Variants in MYO5A observed in about 807,000 individuals in gnomAD.
MYO5A encodes myosin VA.
MYO5A carries 98 observed loss-of-function variants against 249.7 expected under a neutral mutation model. The ratio of observed to expected loss-of-function variants is 0.39; its 90% CI spans 0.33 to 0.46. The LOEUF (loss-of-function observed/expected upper bound fraction) is 0.46. Ranked by LOEUF, MYO5A falls within the 20% of genes least tolerant of loss-of-function variation. The probability of loss-of-function intolerance (pLI) is 0.98; values close to 1 mark genes in which losing one functional copy is unlikely to be tolerated. For missense variants in MYO5A, 1,696 were observed against 2,308.8 expected (o/e 0.73, Z 5.44); for synonymous variants, 778 against 810.6 (o/e 0.96, Z 0.68).
At chr15:52,435,899 A>G (rs1388599237) in intron 1 of MYO5A, among the ~76,000 whole-genome samples, 3 of 152,222 alleles carry the variant, frequency 2.0e-5, no homozygotes, top group Non-Finnish European at 4.4e-5. Flanking sequence ...CAGTAGGACA[A>G]ATAGCCATCA....
chr15:52,504,901 GA>G (rs2077236359), intron 1 of MYO5A, among the ~76,000 whole-genome samples: 1 of 149,284 alleles, frequency 6.7e-6, no homozygotes, highest in African/African-American at 2.5e-5. Flanking sequence ...AAAAAAAAAA[GA>G]AAAAAGAAAA....
intron 1 of MYO5A, among the ~76,000 whole-genome samples, chr15:52,474,903 A>C (rs1177731547): frequency 4.0e-4 from 59 of 148,030 alleles, no homozygotes; most frequent in East Asian, 8.2e-4. Context: ...TGGCCTCATA[A>C]AATGAGTTAG....
intron 18 of MYO5A, among the ~76,000 whole-genome samples, chr15:52,379,424 C>T (rs2041616254): frequency 6.6e-6 from 1 of 152,098 alleles, no homozygotes; most frequent in African/African-American, 2.4e-5. Context: ...AATGTGGGTC[C>T]AGGCCTCACA....
At chr15:52,321,256 C>A in intron 38 of MYO5A, 103 bp downstream of exon 38, 1 of 1,484,856 alleles carries the variant, frequency 6.7e-7, no homozygotes, top group Non-Finnish European at 9.4e-7. Context: ...ACTTTATGCT[C>A]CCCAAATGAA....
rs553907837 is a variant in MYO5A at position 52,464,919 on chromosome 15, A to T, written c.28-31634T>A. ...ACTGTCACTCACATTTAGCCTGTAGACAGGATTTATCTAATATACACATAA... is the reference window on the plus strand; with the variant it reads ...ACTGTCACTCACATTTAGCCTGTAGTCAGGATTTATCTAATATACACATAA... On this transcript the variant is annotated intron_variant, in intron 1 of 41. Coordinates refer to ENST00000399233, the MANE Select transcript of MYO5A (RefSeq NM_001382347.1). Among the ~76,000 whole-genome samples, 6 of 152,352 alleles carry T rather than the reference A, an allele frequency of 3.9e-5. No homozygotes were observed. The South Asian group carries it at 8.3e-4, about 21-fold the overall frequency.
At chr15:52,389,453 T>G (rs1007844078) in intron 12 of MYO5A, 90 bp from the exon 13 acceptor site, 2 of 1,350,938 alleles carry the variant, frequency 1.5e-6, no homozygotes, top group Non-Finnish European at 2.0e-6. Context: ...TTTATTTTTT[T>G]TTTTTGGCTT....
chr15:52,400,262 C>T (rs906894653), intron 9 of MYO5A, among the ~76,000 whole-genome samples: 4 of 152,152 alleles, frequency 2.6e-5, no homozygotes, highest in Non-Finnish European at 5.9e-5. Context: ...GTAACACTAA[C>T]TCCAAACATC....
rs113788090 is a variant in MYO5A at position 52,377,377 on chromosome 15, G to A, written c.2209-819C>T. 6.1e-3 allele frequency among the ~76,000 whole-genome samples: 930 copies of A among 151,354 alleles called. 10 individuals are homozygous for A. The highest frequency in any genetic ancestry group is 0.021 in the African/African-American group (885 of 41,208). ...GTGGAGGTTGCAGTGAGCCAAGATCGCGCCACTGCACTCCAGCCTAGCAAC... is the reference window on the plus strand; with the variant it reads ...GTGGAGGTTGCAGTGAGCCAAGATCACGCCACTGCACTCCAGCCTAGCAAC... On this transcript the variant is annotated intron_variant, in intron 18 of 41. Coordinates refer to ENST00000399233, the MANE Select transcript of MYO5A (RefSeq NM_001382347.1).
intron 1 of MYO5A, among the ~76,000 whole-genome samples, chr15:52,483,329 A>G (rs1031222196): frequency 6.6e-6 from 1 of 152,142 alleles, no homozygotes; most frequent in Non-Finnish European, 1.5e-5. Context: ...TGGCTGGATC[A>G]TTTGGTTTCT....
chr15:52,325,194 G>C (rs1395573596), intron 36 of MYO5A, among the ~76,000 whole-genome samples: 2 of 152,188 alleles, frequency 1.3e-5, no homozygotes, highest in African/African-American at 4.8e-5. Flanking sequence ...GGCTATGGGA[G>C]AGTGTCACTA....
chr15:52,471,619 A>ACACACACACACACACACACC (rs773132992), intron 1 of MYO5A, among the ~76,000 whole-genome samples: 1 of 149,186 alleles, frequency 6.7e-6, no homozygotes, highest in African/African-American at 2.5e-5. Context: ...ACACACACAC[A>ACACACACACACACACACACC]CCCCAAACAA....
intron 1 of MYO5A, among the ~76,000 whole-genome samples, chr15:52,525,042 A>C (rs2077706624): frequency 6.6e-6 from 1 of 152,044 alleles, no homozygotes; most frequent in South Asian, 2.1e-4. Flanking sequence ...GATAAACCCT[A>C]CTCCACAAAT....
intron 25 of MYO5A, among the ~76,000 whole-genome samples, chr15:52,356,160 G>A (rs1057427153): frequency 1.3e-5 from 2 of 152,130 alleles, no homozygotes; most frequent in Non-Finnish European, 2.9e-5. Flanking sequence ...AAGTGGGGCT[G>A]GAGGAGCAAG....
At chr15:52,321,210 G>T in intron 38 of MYO5A, 149 bp downstream of exon 38, 3 of 975,508 alleles carry the variant, frequency 3.1e-6, no homozygotes, top group East Asian at 2.5e-5. Flanking sequence ...CTGGGTTTCT[G>T]GGATTCCTCG....
intron 1 of MYO5A, among the ~76,000 whole-genome samples, chr15:52,518,824 T>C (rs1473179969): frequency 6.6e-6 from 1 of 152,212 alleles, no homozygotes; most frequent in South Asian, 2.1e-4. Flanking sequence ...AAATGATTTA[T>C]GCAAACTCAT....
rs189726866 is a variant in MYO5A, at chr15:52,408,821, G to A, written c.757-681C>T. Reference sequence around the variant, plus strand: ...AGTATACTCAGTTGGCTAATGAATCGTATTAATAAGGCCAAGGTCAGGTTT... The same window carrying A: ...AGTATACTCAGTTGGCTAATGAATCATATTAATAAGGCCAAGGTCAGGTTT... On this transcript the variant is annotated intron_variant, in intron 6 of 41. Transcript: ENST00000399233. 5.5e-4 allele frequency among the ~76,000 whole-genome samples: 84 copies of A among 152,128 alleles called. No individual in the cohort carries two copies. The East Asian group carries it at 6.8e-3, about 12-fold the overall frequency.
chr15:52,486,293 T>C (rs567166682), intron 1 of MYO5A, among the ~76,000 whole-genome samples: 1 of 152,316 alleles, frequency 6.6e-6, no homozygotes, highest in South Asian at 2.1e-4. Context: ...GCCCTATCGC[T>C]GAGCATTATT....
intron 1 of MYO5A, among the ~76,000 whole-genome samples, chr15:52,485,273 AAAAAAAC>A (rs1567170329): frequency 6.6e-6 from 1 of 151,392 alleles, no homozygotes; most frequent in African/African-American, 2.4e-5. Context: ...AAAAAAAAAA[AAAAAAAC>A]AAGACTGTCA....
intron 34 of MYO5A, among the ~76,000 whole-genome samples, chr15:52,334,166 T>G (rs895377974): frequency 1.3e-5 from 2 of 152,220 alleles, no homozygotes; most frequent in African/African-American, 4.8e-5. Context: ...CTTAAAATAG[T>G]CTAACCCATC....
Sources: gnomAD v4.1 joint callset for allele counts (sites outside exome capture counted in the v4.1 genomes callset) on GRCh38, gnomAD v4.1.1 for gene constraint, MANE v1.5 for transcripts, NCBI Gene and HGNC (gene_info 2026-07-23, HGNC 2026-07-21) for gene names.